Variants in AP3B2 observed in about 807,000 individuals in gnomAD.
AP3B2 encodes AP-3 complex subunit beta-2.
Under a neutral mutation model 126.9 loss-of-function variants are expected in AP3B2, and 50 were observed. That is an observed-to-expected ratio of 0.39 (90% CI 0.31 to 0.50). The LOEUF (loss-of-function observed/expected upper bound fraction) is 0.50. AP3B2 is among the 20% of genes least tolerant of loss of function. AP3B2 has a pLI of 0.79. For missense variants in AP3B2, 1,177 were observed against 1,426.4 expected (o/e 0.83, Z 2.82); for synonymous variants, 541 against 565.0 (o/e 0.96, Z 0.60).
Position 82,680,525 on chromosome 15 carries a change from C to T in AP3B2, c.1002G>A (p.Lys334=), listed in dbSNP as rs1210580317. Reference sequence around the variant, plus strand: ...CCTTGGCGATGACGCCCACTTCCGCCTTGGGCGCCAGGTGGAAGTAGAGCT... The same window carrying T: ...CCTTGGCGATGACGCCCACTTCCGCTTTGGGCGCCAGGTGGAAGTAGAGCT... ...VAQLYFHLAP[K]AEVGVIAKAL... The change falls in exon 8 of 27, where the codon AAG becomes AAA. Residue 334 remains lysine (K), a synonymous_variant. Transcript: ENST00000535359. The surrounding 1 kb of genome is among the most constrained non-coding windows in gnomAD (Gnocchi z 6.1). The T allele has an allele frequency of 3.2e-6, 5 of 1,543,836 alleles. No individual in the cohort carries two copies. The Admixed American group carries it at 7.7e-5, about 24-fold the overall frequency.
chr15:82,677,642 C>T (rs1482507501), intron 12 of AP3B2, 29 bp downstream of exon 12: 5 of 1,498,308 alleles, frequency 3.3e-6, no homozygotes, highest in Non-Finnish European at 3.6e-6. Flanking sequence ...CTCTGATCAT[C>T]ACGGTTAGAC....
chr15:82,670,135 G>C (rs1313957731), intron 14 of AP3B2, among the ~76,000 whole-genome samples: 9 of 104,574 alleles, frequency 8.6e-5, no homozygotes, highest in Non-Finnish European at 1.8e-5. Context: ...CGAAGATGAA[G>C]TCTCGCTCTT....
rs2151441201 is a variant in AP3B2 at position 82,680,873 on chromosome 15, G to C, written c.735C>G (p.Arg245=). The C allele has an allele frequency of 6.2e-7, 1 of 1,613,908 alleles. No individual in the cohort carries two copies. Among genetic ancestry groups the C allele is most frequent in the African/African-American group, 1.3e-5 (1 of 75,046 alleles). ...GQVVIISMLT[R]YARTQFLSPT... ...GGCTCAGGAACTGCGTGCGGGCGTAGCGGGTGAGCATGCTGATGATGACCA... is the reference window on the plus strand; with the variant it reads ...GGCTCAGGAACTGCGTGCGGGCGTACCGGGTGAGCATGCTGATGATGACCA... Residue 245 remains arginine, a synonymous_variant, in exon 7 of 27, where the codon CGC becomes CGG. Transcript: ENST00000535359. This position sits in a 1 kb window ranked among gnomAD's most constrained non-coding sequence, Gnocchi z 6.1.
chr15:82,691,786 G>GC (rs1294893159), intron 1 of AP3B2: 2 of 1,542,314 alleles, frequency 1.3e-6, no homozygotes, highest in Non-Finnish European at 1.8e-6. Context: ...GAGAGTCACG[G>GC]CCCCTTGACC....
In AP3B2 at chr15:82,680,325, G is replaced by A; in HGVS notation, c.1056-96C>T. The A allele has an allele frequency of 1.3e-5, 21 of 1,566,196 alleles. 1 individual carries two copies. The highest frequency in any genetic ancestry group is 1.7e-5 in the Non-Finnish European group (20 of 1,151,792). On this transcript the variant is annotated intron_variant, in intron 8 of 26. Coordinates refer to ENST00000535359, the MANE Select transcript of AP3B2 (RefSeq NM_001278512.2). This position sits in a 1 kb window ranked among gnomAD's most constrained non-coding sequence, Gnocchi z 6.1. ...GGTGGGGCAAGTCGTTGCGGGGAGA[G>A]GACCAGTGCGGAGGGCAGGACTACG...
intron 1 of AP3B2, among the ~76,000 whole-genome samples, chr15:82,706,561 C>T (rs1334683527): frequency 6.6e-6 from 1 of 152,196 alleles, no homozygotes; most frequent in Admixed American, 6.5e-5. Context: ...AAAAAAGCAG[C>T]TAGCATTCCA....
chr15:82,708,368 T>C (rs991088409), intron 1 of AP3B2, among the ~76,000 whole-genome samples: 2 of 151,952 alleles, frequency 1.3e-5, no homozygotes, highest in African/African-American at 4.8e-5. Context: ...GTTCAAAGCC[T>C]GTTTGGTGGT....
At chr15:82,682,644 G>C (rs1409038094) in intron 4 of AP3B2, among the ~76,000 whole-genome samples, 1 of 151,792 alleles carries the variant, frequency 6.6e-6, no homozygotes, top group Non-Finnish European at 1.5e-5. Flanking sequence ...TGAGCCCAGG[G>C]AGTTGGAGGC....
In AP3B2 at chr15:82,701,428, C is replaced by A. The variant is rs550768425; in HGVS notation, c.113+8166G>T. 1.6e-4 allele frequency among the ~76,000 whole-genome samples: 24 copies of A among 152,170 alleles called. 1 individual carries two copies. The South Asian group carries it at 3.3e-3, about 21-fold the overall frequency. On this transcript the variant is annotated intron_variant, in intron 1 of 26. Transcript: ENST00000535359. ...ACATTTTAAGAAACAAAAAAAAAAA[C>A]CCAAAATAACAAAATAGACAAACTT...
chr15:82,673,959 A>G (rs752720278), intron 14 of AP3B2, among the ~76,000 whole-genome samples: 25 of 152,290 alleles, frequency 1.6e-4, no homozygotes, highest in African/African-American at 1.7e-4. Flanking sequence ...CAGTTTCCCC[A>G]GGGTCTATAT....
chr15:82,709,164 T>C (rs1466074036), intron 1 of AP3B2, among the ~76,000 whole-genome samples: 3 of 151,878 alleles, frequency 2.0e-5, no homozygotes, highest in African/African-American at 7.3e-5. Context: ...GCTGTGCAAG[T>C]ACATCCAGGG....
Position 82,662,195 on chromosome 15 carries a change from G to A in AP3B2, c.2891C>T (p.Ser964Leu). Residue 964 changes from serine to leucine, a missense_variant, in exon 24 of 27, where the codon TCA becomes TTA. By Grantham distance (145) the Ser-to-Leu change is moderately radical. Around this residue, in one of 5 missense-constraint regions of AP3B2, gnomAD observed 587 missense variants for 571.3 expected, o/e 1.03. Transcript: ENST00000535359. The stretch of plus-strand genomic sequence containing the variant: ...CAGCTGGAAGTTGGCTGCCTGGGTT[G>A]AGTCACAGAAATTAATGCCCATTAC... ...TAVMGINFCD[S>L]TQAANFQLCT... 1 of 1,603,712 alleles carries A rather than the reference G, an allele frequency of 6.2e-7. No individual in the cohort carries two copies. The highest frequency in any genetic ancestry group is 8.5e-7 in the Non-Finnish European group (1 of 1,175,012).
chr15:82,691,961 T>G (rs1172450771), intron 1 of AP3B2: 2 of 1,425,362 alleles, frequency 1.4e-6, no homozygotes, highest in Non-Finnish European at 9.8e-7. Flanking sequence ...ACCGTCCTTC[T>G]GCACATCGGC....
intron 4 of AP3B2, among the ~76,000 whole-genome samples, chr15:82,684,925 T>C (rs1192630539): frequency 6.6e-6 from 1 of 152,252 alleles, no homozygotes; most frequent in African/African-American, 2.4e-5. Flanking sequence ...CCTAACCATT[T>C]CTAGCTTTTG....
intron 10 of AP3B2, among the ~76,000 whole-genome samples, chr15:82,678,370 A>G (rs1037479994): frequency 2.0e-5 from 3 of 152,192 alleles, no homozygotes. Context: ...GATTCCCTAC[A>G]CAGTATGCTT....
At chr15:82,683,247 C>T (rs11259946) in intron 4 of AP3B2, among the ~76,000 whole-genome samples, 48,616 of 151,042 alleles carry the variant, frequency 0.32, 7,868 homozygotes, top group African/African-American at 0.35. Flanking sequence ...TTAGTAGAGA[C>T]GGGGTTTCAC....
In AP3B2 at chr15:82,709,859, C is replaced by A; in HGVS notation, c.-153G>T. 1.9e-6 allele frequency: 1 copy of A among 525,166 alleles called. No individual in the cohort carries two copies. The highest frequency in any genetic ancestry group is 3.7e-5 in the South Asian group (1 of 26,884). 32.5% of individuals were successfully genotyped at this position (525,166 alleles called of 1,614,324 possible). A position where few individuals can be genotyped will look rare whatever the true frequency, so the allele number is the denominator to read the frequency against. On this transcript the variant is annotated 5_prime_UTR_variant, in exon 1 of 27. Transcript: ENST00000535359. ...AGGCTGCAGTGTGCAGCGGCGGAGG[C>A]TGCGCGCGGATTTCTCAATCAGGGC... is the stretch of plus-strand genomic sequence containing the variant.
chr15:82,703,993 G>A (rs947908857), intron 1 of AP3B2, among the ~76,000 whole-genome samples: 1 of 151,976 alleles, frequency 6.6e-6, no homozygotes, highest in Non-Finnish European at 1.5e-5. Context: ...ACCCAGTCCG[G>A]CTTACAGTTT....
chr15:82,698,853 G>C (rs185198364), intron 1 of AP3B2, among the ~76,000 whole-genome samples: 10 of 152,138 alleles, frequency 6.6e-5, no homozygotes, highest in African/African-American at 2.4e-4. Flanking sequence ...CCCTGCAGGA[G>C]AAGGGGAATG....
Sources: allele counts gnomAD v4.1 joint callset (sites outside exome capture counted in the v4.1 genomes callset), GRCh38; gene constraint gnomAD v4.1.1; regional missense constraint gnomAD v4.1.1; non-coding constraint Gnocchi (gnomAD v3.1); transcripts MANE v1.5; gene names NCBI Gene and HGNC (gene_info 2026-07-23, HGNC 2026-07-21).